TRPC4AP: variants seen among roughly 807,000 people sequenced by gnomAD.
TRPC4AP encodes the protein transient receptor potential cation channel subfamily C member 4 associated protein.
In TRPC4AP, 45 loss-of-function variants were observed where a neutral mutation model predicts 99.0. The ratio of observed to expected loss-of-function variants is 0.45; its 90% CI spans 0.36 to 0.58. The LOEUF is 0.58. TRPC4AP is among the 20% of genes least tolerant of loss of function. TRPC4AP has a pLI of 0.00. For missense variants in TRPC4AP, 879 were observed against 985.3 expected (o/e 0.89, Z 1.44); for synonymous variants, 408 against 385.8 (o/e 1.06, Z -0.67).
At chr20:35,036,921 G>A (rs1171927663) in intron 7 of TRPC4AP, among the ~76,000 whole-genome samples, 1 of 151,972 alleles carries the variant, frequency 6.6e-6, no homozygotes, top group Non-Finnish European at 1.5e-5. Context: ...ACTCCAGCCT[G>A]GGCAAGAGTG....
intron 17 of TRPC4AP, 130 bp from the exon 18 acceptor site, chr20:35,003,746 A>G (rs2147257880): frequency 9.9e-7 from 1 of 1,005,556 alleles, no homozygotes; most frequent in East Asian, 2.6e-5. Context: ...CTCTCCCTGC[A>G]CAGAGGTGAG....
At chr20:35,032,467 CTTTTTTTTTTTT>C (rs35808832) in intron 8 of TRPC4AP, among the ~76,000 whole-genome samples, 5 of 95,232 alleles carry the variant, frequency 5.3e-5, no homozygotes, top group East Asian at 3.3e-4. Context: ...GTTCTTTGAT[CTTTTTTTTTTTT>C]TTTTTTTTTT....
intron 5 of TRPC4AP, 82 bp from the exon 6 acceptor site, chr20:35,050,076 A>C (rs1217977572): frequency 6.8e-7 from 1 of 1,481,316 alleles, no homozygotes; most frequent in Admixed American, 2.2e-5. Context: ...CAGACACTGA[A>C]AAGCAGTTTC....
intron 3 of TRPC4AP, among the ~76,000 whole-genome samples, chr20:35,064,245 C>T (rs566886781): frequency 6.6e-6 from 1 of 152,272 alleles, no homozygotes; most frequent in South Asian, 2.1e-4. Flanking sequence ...CTTCCTTAGC[C>T]CCTTCTAGCT....
chr20:35,049,976 G>C lies in TRPC4AP; in HGVS notation c.547C>G (p.Arg183Gly), dbSNP rs201809090. 6.2e-7 allele frequency: 1 copy of C among 1,613,752 alleles called. No homozygotes were observed. Among genetic ancestry groups the C allele is most frequent in the South Asian group, 1.1e-5 (1 of 91,010 alleles). The change falls in exon 6 of 19, where the codon CGT (arginine) becomes GGT (glycine). Residue 183 changes from arginine (R) to glycine (G), a missense_variant. Physicochemically the swap from Arg to Gly is moderately radical, Grantham distance 125. Around this residue, in one of 3 missense-constraint regions of TRPC4AP, gnomAD observed 603 missense variants for 631.8 expected, o/e 0.95. Coordinates refer to ENST00000252015, the MANE Select transcript of TRPC4AP (RefSeq NM_015638.3). Reference sequence around the variant, plus strand: ...ACAAAGTCATTCTTTTCTGCCAAACGCTTTGTAACTCCCTCTGTCTGTCAC... The same window carrying C: ...ACAAAGTCATTCTTTTCTGCCAAACCCTTTGTAACTCCCTCTGTCTGTCAC... ...TCVCTEGVTK[R>G]LAEKNDFVIF...
intron 8 of TRPC4AP, among the ~76,000 whole-genome samples, chr20:35,022,261 G>T (rs2082907889): frequency 6.6e-6 from 1 of 152,198 alleles, no homozygotes; most frequent in Non-Finnish European, 1.5e-5. Flanking sequence ...TTTCAAGCAA[G>T]TCTCCTGCCT....
At position 35,003,247 on chromosome 20, in the gene TRPC4AP, CTG is replaced by C. The variant is rs1444600492; in HGVS notation, c.2291_2292del (p.Thr764SerfsTer17). 2 of 1,614,106 alleles carry C rather than the reference CTG, an allele frequency of 1.2e-6. No individual in the cohort carries two copies. The highest frequency in any genetic ancestry group is 1.7e-6 in the Non-Finnish European group (2 of 1,180,038). On this transcript the variant is annotated frameshift_variant, in exon 19 of 19. Coordinates refer to ENST00000252015, the MANE Select transcript of TRPC4AP (RefSeq NM_015638.3). LOFTEE classifies it high-confidence loss of function. ...CGGTCCGGGTTCAACAGGATGGACA[CTG>C]TCTCCTTCCAGTATGAGAAGCTGAT... ...SCISFSYWKE[T>X]VSILLNPDRQ...
intron 2 of TRPC4AP, among the ~76,000 whole-genome samples, chr20:35,075,554 ATTCTT>A (rs2084454353): frequency 6.6e-6 from 1 of 152,164 alleles, no homozygotes; most frequent in Non-Finnish European, 1.5e-5. Flanking sequence ...TGGGTTGAAA[ATTCTT>A]TTCTTTAAGA....
intron 8 of TRPC4AP, among the ~76,000 whole-genome samples, chr20:35,024,737 A>C (rs1306546241): frequency 6.7e-6 from 1 of 148,274 alleles, no homozygotes; most frequent in Non-Finnish European, 1.5e-5. Context: ...GCTGAGGTAG[A>C]AGGATGGCTG....
intron 1 of TRPC4AP, among the ~76,000 whole-genome samples, chr20:35,079,220 A>G (rs551509568): frequency 2.0e-5 from 3 of 152,246 alleles, no homozygotes; most frequent in Non-Finnish European, 4.4e-5. Context: ...CCAAGAAGAC[A>G]TAACAATCCT....
chr20:35,005,887 C>A (rs969579348), intron 15 of TRPC4AP, 84 bp from the exon 16 acceptor site: 11 of 1,188,024 alleles, frequency 9.3e-6, no homozygotes, highest in Admixed American at 3.6e-5. Flanking sequence ...CTACAAGGGG[C>A]ATCAGCGACC....
intron 3 of TRPC4AP, among the ~76,000 whole-genome samples, chr20:35,064,320 A>G (rs1008612705): frequency 6.6e-6 from 1 of 152,274 alleles, no homozygotes; most frequent in East Asian, 1.9e-4. Flanking sequence ...AAGATTCCAT[A>G]GCATTTTTTA....
At chr20:35,074,778 T>C (rs2084427182) in intron 2 of TRPC4AP, among the ~76,000 whole-genome samples, 1 of 152,218 alleles carries the variant, frequency 6.6e-6, no homozygotes, top group African/African-American at 2.4e-5. Context: ...TGTAGATGTC[T>C]ATTAGGTCCG....
intron 6 of TRPC4AP, among the ~76,000 whole-genome samples, chr20:35,045,420 C>T (rs375590330): frequency 6.6e-6 from 1 of 152,206 alleles, no homozygotes; most frequent in East Asian, 1.9e-4. Context: ...GCTCAAGCTG[C>T]GGAGCAGTAG....
chr20:35,044,407 AAAAAAAAAGAAAAG>A, intron 7 of TRPC4AP, 84 bp downstream of exon 7: 2 of 1,275,336 alleles, frequency 1.6e-6, no homozygotes, highest in Non-Finnish European at 2.2e-6. Flanking sequence ...AAGGAAAAAA[AAAAAAAAAGAAAAG>A]AAAAGAAAAA....
chr20:35,048,210 C>CTTTTTTTTTTTTTTTTTTTTTTTT lies in TRPC4AP; in HGVS notation c.657+1655_657+1656insAAAAAAAAAAAAAAAAAAAAAAAA, dbSNP rs1487171166. On this transcript the variant is annotated intron_variant, in intron 6 of 18. Transcript: ENST00000252015. ...TTTTTCATGCTGATTTGTAAGAATT[C>CTTTTTTTTTTTTTTTTTTTTTTTT]TGTTTTTTTTTTTTTTTTTGAGAGG... Among the ~76,000 whole-genome samples the CTTTTTTTTTTTTTTTTTTTTTTTT allele has an allele frequency of 2.2e-5, 2 of 91,442 alleles. 1 individual carries two copies. Among genetic ancestry groups the CTTTTTTTTTTTTTTTTTTTTTTTT allele is most frequent in the African/African-American group, 7.8e-5 (2 of 25,510 alleles). 60.0% of individuals were successfully genotyped at this position (91,442 alleles called of 152,430 possible). A position where few individuals can be genotyped will look rare whatever the true frequency, so the allele number is the denominator to read the frequency against.
chr20:35,037,162 C>T (rs1050201135), intron 7 of TRPC4AP, among the ~76,000 whole-genome samples: 7 of 151,870 alleles, frequency 4.6e-5, no homozygotes, highest in East Asian at 3.9e-4. Flanking sequence ...CTGGCTAACA[C>T]GGTGAAACCC....
At position 35,035,274 on chromosome 20, in the gene TRPC4AP, C is replaced by G. The variant is rs2083293314; in HGVS notation, c.900G>C (p.Arg300=). The change falls in exon 8 of 19, where the codon CGG becomes CGC. Residue 300 remains arginine (R), a synonymous_variant. Coordinates refer to ENST00000252015, the MANE Select transcript of TRPC4AP (RefSeq NM_015638.3). ...CCTTTCGAGTCGCCAGTTTGCAAAG[C>G]CGCTCAACAAAGCCAGGAATGCTGA... The part of the protein sequence containing the change: ...ALLSIPGFVE[R]LCKLATRKVS... 3 of 1,614,026 alleles carry G rather than the reference C, an allele frequency of 1.9e-6. No individual in the cohort carries two copies. The highest frequency in any genetic ancestry group is 1.7e-4 in the Middle Eastern group (1 of 6,058).
intron 3 of TRPC4AP, among the ~76,000 whole-genome samples, chr20:35,059,927 G>A (rs1483254324): frequency 6.8e-6 from 1 of 146,676 alleles, no homozygotes; most frequent in Non-Finnish European, 1.5e-5. Context: ...AGACAAAGAC[G>A]AAGAAGACGA....
Sources: gnomAD v4.1 joint callset for allele counts (sites outside exome capture counted in the v4.1 genomes callset) on GRCh38, gnomAD v4.1.1 for gene constraint, gnomAD v4.1.1 regional missense constraint, MANE v1.5 for transcripts, NCBI Gene and HGNC (gene_info 2026-07-23, HGNC 2026-07-21) for gene names.